EXOC6B: variants seen among roughly 807,000 people sequenced by gnomAD.
EXOC6B encodes SEC15 homolog B.
Under a neutral mutation model 113.5 loss-of-function variants are expected in EXOC6B, and 54 were observed. The ratio of observed to expected loss-of-function variants is 0.48; its 90% confidence interval spans 0.38 to 0.60. The LOEUF (loss-of-function observed/expected upper bound fraction) is 0.60, where lower values mean the gene tolerates loss of function less well. Ranked by LOEUF, EXOC6B falls within the 20% of genes least tolerant of loss-of-function variation. The pLI is 0.00. For missense variants in EXOC6B, 797 were observed against 977.5 expected (o/e 0.82, Z 2.46); for synonymous variants, 357 against 339.0 (o/e 1.05, Z -0.58).
chr2:72,287,438 A>T (rs545140435), intron 20 of EXOC6B, among the ~76,000 whole-genome samples: 1,846 of 150,284 alleles, frequency 0.012, 36 homozygotes, highest in African/African-American at 0.039. Flanking sequence ...CTCAAAAAAA[A>T]AAAAATAAAA....
intron 18 of EXOC6B, among the ~76,000 whole-genome samples, chr2:72,434,109 A>T (rs999344921): frequency 6.6e-6 from 1 of 152,150 alleles, no homozygotes; most frequent in African/African-American, 2.4e-5. Flanking sequence ...TGTTTTTAGC[A>T]TGAAGGGGTG....
chr2:72,211,942 C>T (rs1680221114), intron 20 of EXOC6B, among the ~76,000 whole-genome samples: 2 of 152,040 alleles, frequency 1.3e-5, no homozygotes, highest in African/African-American at 4.8e-5. Context: ...CCACATAGCT[C>T]TCCCAAAGAC....
intron 6 of EXOC6B, among the ~76,000 whole-genome samples, 199 bp from the exon 7 acceptor site, chr2:72,575,867 C>T (rs549693277): frequency 1.3e-5 from 2 of 152,288 alleles, no homozygotes; most frequent in South Asian, 4.1e-4. Flanking sequence ...AAAACCATCA[C>T]ATTAATGTAT....
chr2:72,671,559 G>A (rs990790496), intron 6 of EXOC6B, among the ~76,000 whole-genome samples: 4 of 151,896 alleles, frequency 2.6e-5, no homozygotes, highest in Admixed American at 6.6e-5. Flanking sequence ...TTCGCCGGGC[G>A]TGGTGGTGGG....
chr2:72,673,671 T>C (rs909015990), intron 6 of EXOC6B, among the ~76,000 whole-genome samples: 4 of 151,946 alleles, frequency 2.6e-5, no homozygotes, highest in Non-Finnish European at 5.9e-5. Flanking sequence ...CTTTCAATTA[T>C]AGGTGCCAGT....
chr2:72,780,613 A>T (rs1238308916), intron 1 of EXOC6B, among the ~76,000 whole-genome samples: 1 of 152,126 alleles, frequency 6.6e-6, no homozygotes, highest in African/African-American at 2.4e-5. Flanking sequence ...CACACTACAC[A>T]CGGCAGATTA....
chr2:72,442,950 A>T lies in EXOC6B; in HGVS notation c.1980+22210T>A, dbSNP rs1033653732. Among the ~76,000 whole-genome samples, 163 of 152,316 alleles carry T rather than the reference A, an allele frequency of 1.1e-3. 2 individuals are homozygous for T. The highest frequency in any genetic ancestry group is 3.4e-4 in the Non-Finnish European group (23 of 68,022). On this transcript the variant is annotated intron_variant, in intron 18 of 21. Transcript: ENST00000272427. ...AGCCAAGGCAATCCTAAGCAAAAAGAACAAAGCTGGCAGCATCATGCTACC... is the reference window on the plus strand; with the variant it reads ...AGCCAAGGCAATCCTAAGCAAAAAGTACAAAGCTGGCAGCATCATGCTACC...
chr2:72,377,843 GT>G (rs1161022427), intron 19 of EXOC6B, among the ~76,000 whole-genome samples: 1 of 151,722 alleles, frequency 6.6e-6, no homozygotes, highest in Non-Finnish European at 1.5e-5. Context: ...AGGAGACTTT[GT>G]TTTTTTAACC....
At chr2:72,276,143 G>A (rs1278805953) in intron 20 of EXOC6B, among the ~76,000 whole-genome samples, 3 of 152,142 alleles carry the variant, frequency 2.0e-5, no homozygotes, top group African/African-American at 7.2e-5. Context: ...CCATTTTAGT[G>A]AGGTGATTCT....
chr2:72,814,953 T>A (rs1456550723), intron 1 of EXOC6B, among the ~76,000 whole-genome samples: 4 of 152,204 alleles, frequency 2.6e-5, no homozygotes, highest in Non-Finnish European at 5.9e-5. Context: ...ATCGTGCCAC[T>A]GCACTCCAGC....
chr2:72,317,833 T>C (rs1019174478), intron 20 of EXOC6B, among the ~76,000 whole-genome samples: 1 of 152,180 alleles, frequency 6.6e-6, no homozygotes, highest in Non-Finnish European at 1.5e-5. Context: ...AAGACTACTA[T>C]AGTAGCTTAT....
At chr2:72,379,303 T>C (rs1691543209) in intron 19 of EXOC6B, among the ~76,000 whole-genome samples, 3 of 152,230 alleles carry the variant, frequency 2.0e-5, no homozygotes, top group Admixed American at 2.0e-4. Context: ...AAAGCATTTC[T>C]GACTAATTAA....
intron 18 of EXOC6B, among the ~76,000 whole-genome samples, chr2:72,426,116 G>A (rs1202421715): frequency 6.6e-6 from 1 of 152,042 alleles, no homozygotes; most frequent in East Asian, 1.9e-4. Flanking sequence ...ACTACATTTT[G>A]TGTGATTTTT....
chr2:72,764,095 A>AT (rs1195786829), intron 1 of EXOC6B, among the ~76,000 whole-genome samples: 2 of 152,096 alleles, frequency 1.3e-5, no homozygotes, highest in East Asian at 3.9e-4. Context: ...TTAAAATAAT[A>AT]TAAAATAAAA....
In EXOC6B at chr2:72,495,396, G is replaced by A. The variant is rs185661651; in HGVS notation, c.1553+34C>T. The A allele has an allele frequency of 1.2e-3, 1,356 of 1,146,414 alleles. 11 individuals are homozygous for A. The African/African-American group carries it at 0.019, about 16-fold the overall frequency. 71.0% of individuals were successfully genotyped at this position (1,146,414 alleles called of 1,614,324 possible). A position where few individuals can be genotyped will look rare whatever the true frequency, so the allele number is the denominator to read the frequency against. ...GTAAATACATGGAGTCACAATCTTA[G>A]CATTGGTTACATTTCTACTATTTTG... On this transcript the variant is annotated intron_variant, in intron 15 of 21. Coordinates refer to ENST00000272427, the MANE Select transcript of EXOC6B (RefSeq NM_015189.3).
intron 20 of EXOC6B, among the ~76,000 whole-genome samples, chr2:72,200,595 T>C (rs1046103210): frequency 6.6e-6 from 1 of 152,152 alleles, no homozygotes; most frequent in Non-Finnish European, 1.5e-5. Context: ...TAGAGAACTG[T>C]ACTATTATTT....
At position 72,496,435 on chromosome 2, in the gene EXOC6B, A is replaced by T; in HGVS notation, c.1443+19T>A. 1 of 1,470,324 alleles carries T rather than the reference A, an allele frequency of 6.8e-7. No individual in the cohort carries two copies. The highest frequency in any genetic ancestry group is 9.4e-7 in the Non-Finnish European group (1 of 1,064,952). The allele number at this position is 1,470,324 out of a possible 1,614,324, so 91.1% of individuals were successfully genotyped here. On this transcript the variant is annotated intron_variant, in intron 14 of 21. Transcript: ENST00000272427. ...GATGCCAAAACAACCAGAGAAATTT[A>T]TTTTAAAGTATTCCTTACCTTTTCC...
chr2:72,825,791 G>T lies in EXOC6B; in HGVS notation c.113+7C>A. ...CCGCCCCTCTGTGGTCCCGGCACCCGGGGTACCTGAGCGTGGGCCCGATGC... is the reference window on the plus strand; with the variant it reads ...CCGCCCCTCTGTGGTCCCGGCACCCTGGGTACCTGAGCGTGGGCCCGATGC... On this transcript the variant is annotated splice_region_variant and intron_variant, in intron 1 of 21. Coordinates refer to ENST00000272427, the MANE Select transcript of EXOC6B (RefSeq NM_015189.3). The surrounding 1 kb of genome is among the most constrained non-coding windows in gnomAD (Gnocchi z 4.4). The T allele has an allele frequency of 1.4e-6, 2 of 1,404,970 alleles. No individual in the cohort carries two copies. The highest frequency in any genetic ancestry group is 1.9e-6 in the Non-Finnish European group (2 of 1,041,384). 87.0% of individuals were successfully genotyped at this position (1,404,970 alleles called of 1,614,324 possible). A position where few individuals can be genotyped will look rare whatever the true frequency, so the allele number is the denominator to read the frequency against.
chr2:72,386,752 G>A (rs758698806), intron 18 of EXOC6B, among the ~76,000 whole-genome samples: 3 of 152,090 alleles, frequency 2.0e-5, no homozygotes, highest in African/African-American at 4.8e-5. Flanking sequence ...GAGAAAATAC[G>A]GGAAACTATG....
Sources: allele counts gnomAD v4.1 joint callset (sites outside exome capture counted in the v4.1 genomes callset), GRCh38; gene constraint gnomAD v4.1.1; non-coding constraint Gnocchi (gnomAD v3.1); transcripts MANE v1.5; gene names NCBI Gene and HGNC (gene_info 2026-07-23, HGNC 2026-07-21).